TTC23: variants seen among roughly 807,000 people sequenced by gnomAD.
The protein encoded by TTC23 is tetratricopeptide repeat protein 23.
In TTC23, 58 loss-of-function variants were observed where a neutral mutation model predicts 55.1. The observed-to-expected ratio is 1.05, with a 90% CI of 0.85 to 1.31. The LOEUF is 1.31. Ranked by LOEUF, TTC23 falls within the 50% of genes most tolerant of loss-of-function variation. The pLI, the probability that TTC23 is intolerant of heterozygous loss-of-function variation, is 0.00. For missense variants in TTC23, 516 were observed against 534.4 expected (o/e 0.97, Z 0.34); for synonymous variants, 203 against 199.9 (o/e 1.02, Z -0.13).
rs200232010 is a variant in TTC23, at chr15:99,236,982, G to GTT, written c.-113-1904_-113-1903dup. On this transcript the variant is annotated intron_variant, in intron 3 of 13. Coordinates refer to ENST00000394132, the MANE Select transcript of TTC23 (RefSeq NM_001288615.3). ...ACAGGAGTCATCATTTCACTCCTAA[G>GTT]TTTTTTTTTTTTTTTTGAGACAGAG... Among the ~76,000 whole-genome samples the GTT allele has an allele frequency of 1.8e-3, 250 of 141,522 alleles. 2 individuals are homozygous for GTT. Among genetic ancestry groups the GTT allele is most frequent in the Middle Eastern group, 7.5e-3 (2 of 268 alleles). 92.8% of individuals were successfully genotyped at this position (141,522 alleles called of 152,430 possible).
chr15:99,247,289 C>T (rs1195581738), intron 1 of TTC23, among the ~76,000 whole-genome samples: 3 of 152,026 alleles, frequency 2.0e-5, no homozygotes, highest in Non-Finnish European at 4.4e-5. Flanking sequence ...CCAGAGTTAC[C>T]ATATGACAGT....
intron 8 of TTC23, among the ~76,000 whole-genome samples, chr15:99,212,984 CA>C (rs1219150354): frequency 5.6e-5 from 4 of 71,814 alleles, no homozygotes; most frequent in Non-Finnish European, 7.7e-5. Context: ...GACCCTATCT[CA>C]AAAAAAAAAA....
At chr15:99,216,878 G>A (rs946977836) in intron 8 of TTC23, among the ~76,000 whole-genome samples, 1 of 152,078 alleles carries the variant, frequency 6.6e-6, no homozygotes, top group Non-Finnish European at 1.5e-5. Flanking sequence ...ACCACCCTTG[G>A]GATATAAACC....
rs76600104 is a variant in TTC23 at position 99,211,990 on chromosome 15, C to A, written c.581+6598G>T. Among the ~76,000 whole-genome samples the A allele has an allele frequency of 6.1e-3, 929 of 152,288 alleles. 7 individuals are homozygous for A. Among genetic ancestry groups the A allele is most frequent in the African/African-American group, 0.021 (892 of 41,552 alleles). On this transcript the variant is annotated intron_variant, in intron 8 of 13. Transcript: ENST00000394132. ...TTACAGGCATGAGCCATCATGCCGG[C>A]CCAGAGCCTACATTGTTAATGACAC...
At chr15:99,176,535 C>A (rs1306175252) in intron 9 of TTC23, among the ~76,000 whole-genome samples, 1 of 152,076 alleles carries the variant, frequency 6.6e-6, no homozygotes, top group Admixed American at 6.6e-5. Context: ...TTGCTTTGAG[C>A]CCGGGAGGTT....
intron 4 of TTC23, among the ~76,000 whole-genome samples, chr15:99,231,757 G>A (rs1252529642): frequency 6.6e-6 from 1 of 151,984 alleles, no homozygotes; most frequent in Non-Finnish European, 1.5e-5. Context: ...CTCCCAAAGT[G>A]CTGGGATTAC....
chr15:99,230,745 C>T (rs1209864098), intron 4 of TTC23, among the ~76,000 whole-genome samples: 1 of 152,082 alleles, frequency 6.6e-6, no homozygotes, highest in African/African-American at 2.4e-5. Flanking sequence ...AGTTGTCAAC[C>T]TTAAATTCCG....
intron 10 of TTC23, among the ~76,000 whole-genome samples, chr15:99,162,808 G>C (rs1051144279): frequency 1.3e-5 from 2 of 152,110 alleles, no homozygotes; most frequent in African/African-American, 4.8e-5. Flanking sequence ...GGCCGGGGGT[G>C]GTGGCTCACA....
intron 3 of TTC23, among the ~76,000 whole-genome samples, chr15:99,240,290 T>C (rs2079662804): frequency 6.6e-6 from 1 of 152,372 alleles, no homozygotes; most frequent in South Asian, 2.1e-4. Flanking sequence ...TTTGGCTTAA[T>C]TGTAAAAACT....
chr15:99,250,634 A>T (rs138142998), upstream of TTC23, among the ~76,000 whole-genome samples: 1 of 152,206 alleles, frequency 6.6e-6, no homozygotes, highest in South Asian at 2.1e-4. Flanking sequence ...TAACAGCATA[A>T]AGCCCTCTTT....
chr15:99,197,103 TC>T (rs1417406545), intron 9 of TTC23, among the ~76,000 whole-genome samples: 22 of 150,592 alleles, frequency 1.5e-4, no homozygotes, highest in African/African-American at 3.6e-4. Context: ...TGGTTTCTGT[TC>T]TTTTTTTTTT....
intron 1 of TTC23, among the ~76,000 whole-genome samples, chr15:99,247,693 T>C (rs904599181): frequency 1.4e-4 from 22 of 152,020 alleles, no homozygotes; most frequent in African/African-American, 4.8e-4. Context: ...GGGCTGGGGA[T>C]AGGAAACCAG....
In TTC23 at chr15:99,137,205, TCA is replaced by T. The variant is rs2067658262; in HGVS notation, c.*803_*804del. The stretch of plus-strand genomic sequence containing the variant: ...AGCTTCCTGTTCGACTTTGCCATCC[TCA>T]CACGACTATGGCCTCCTTCCAGGGG... On this transcript the variant is annotated 3_prime_UTR_variant, in exon 14 of 14. Transcript: ENST00000394132. The T allele has an allele frequency of 6.6e-6, 1 of 152,310 alleles. No homozygotes were observed. The highest frequency in any genetic ancestry group is 2.4e-5 in the African/African-American group (1 of 41,470). The allele number at this position is 152,310 out of a possible 1,614,324, so 9.4% of individuals were successfully genotyped here.
chr15:99,148,998 G>C (rs1218045575), intron 12 of TTC23, among the ~76,000 whole-genome samples: 1 of 152,180 alleles, frequency 6.6e-6, no homozygotes, highest in Admixed American at 6.5e-5. Flanking sequence ...ATCTGGAAAA[G>C]CCACTGTTCA....
rs145890925 is a variant in TTC23, at chr15:99,237,546, A to G, written c.-113-2466T>C. On this transcript the variant is annotated intron_variant, in intron 3 of 13. Coordinates refer to ENST00000394132, the MANE Select transcript of TTC23 (RefSeq NM_001288615.3). Reference sequence around the variant, plus strand: ...GAAGAAGTCAGGCAAAATAGAGTACATATCACGTGATTCCATTTATATAAA... The same window carrying G: ...GAAGAAGTCAGGCAAAATAGAGTACGTATCACGTGATTCCATTTATATAAA... Among the ~76,000 whole-genome samples the G allele has an allele frequency of 7.4e-3, 1,126 of 152,370 alleles. 9 individuals carry two copies. Among genetic ancestry groups the G allele is most frequent in the South Asian group, 0.013 (61 of 4,832 alleles).
At chr15:99,229,758 C>T (rs1358367286) in intron 4 of TTC23, among the ~76,000 whole-genome samples, 2 of 152,194 alleles carry the variant, frequency 1.3e-5, no homozygotes, top group Non-Finnish European at 1.5e-5. Flanking sequence ...AAGGCTGGCG[C>T]CTGTTCCCAC....
intron 9 of TTC23, among the ~76,000 whole-genome samples, chr15:99,178,005 C>A (rs937335070): frequency 6.6e-6 from 1 of 151,974 alleles, no homozygotes; most frequent in Middle Eastern, 3.2e-3. Context: ...CATAGTGAGA[C>A]CCTGTCTGTA....
At chr15:99,152,565 T>C (rs2069947777) in intron 12 of TTC23, among the ~76,000 whole-genome samples, 2 of 151,924 alleles carry the variant, frequency 1.3e-5, no homozygotes, top group Admixed American at 1.3e-4. Flanking sequence ...AGAGACGGGG[T>C]TTCGCCATGT....
chr15:99,223,966 A>G (rs901059207), intron 5 of TTC23, among the ~76,000 whole-genome samples: 11 of 152,260 alleles, frequency 7.2e-5, no homozygotes, highest in African/African-American at 2.7e-4. Context: ...AGAGTTGTGA[A>G]GAAGATCCAG....
Sources: gnomAD v4.1 joint callset for allele counts (sites outside exome capture counted in the v4.1 genomes callset) on GRCh38, gnomAD v4.1.1 for gene constraint, MANE v1.5 for transcripts, NCBI Gene and HGNC (gene_info 2026-07-23, HGNC 2026-07-21) for gene names.